Variants in EBF1 observed in about 807,000 individuals in gnomAD.
EBF1 encodes transcription factor COE1.
A neutral mutation model predicts 68.4 loss-of-function variants in EBF1; 10 were observed. The ratio of observed to expected loss-of-function variants is 0.15; its 90% CI spans 0.09 to 0.25. The LOEUF (loss-of-function observed/expected upper bound fraction) is 0.25. Ranked by LOEUF, EBF1 falls within the 10% of genes least tolerant of loss-of-function variation. The pLI is 1.00. For missense variants in EBF1, 509 were observed against 794.4 expected (o/e 0.64, Z 4.32); for synonymous variants, 298 against 299.8 (o/e 0.99, Z 0.06).
intron 6 of EBF1, among the ~76,000 whole-genome samples, chr5:158,875,056 T>TATAC (rs5872576): frequency 1.4e-5 from 2 of 147,410 alleles, no homozygotes; most frequent in Admixed American, 1.4e-4. Flanking sequence ...CACACACACA[T>TATAC]ACACACACAC....
intron 6 of EBF1, among the ~76,000 whole-genome samples, chr5:158,918,998 T>C (rs192049837): frequency 2.6e-5 from 4 of 152,234 alleles, no homozygotes; most frequent in African/African-American, 9.6e-5. Context: ...CCTTCCAATA[T>C]TCCATGGCCT....
intron 6 of EBF1, among the ~76,000 whole-genome samples, chr5:158,852,051 A>G (rs1582569112): frequency 7.2e-5 from 1 of 13,926 alleles, no homozygotes; most frequent in Non-Finnish European, 1.3e-4. Context: ...AGGGGAGGAG[A>G]GGGGAGGAGA....
At chr5:158,926,224 C>T (rs1809662804) in intron 6 of EBF1, among the ~76,000 whole-genome samples, 1 of 152,138 alleles carries the variant, frequency 6.6e-6, no homozygotes, top group Non-Finnish European at 1.5e-5. Context: ...GTATACCAAG[C>T]ACCCTAGCTC....
At chr5:158,849,654 T>G (rs1792226682) in intron 6 of EBF1, among the ~76,000 whole-genome samples, 1 of 152,230 alleles carries the variant, frequency 6.6e-6, no homozygotes, top group African/African-American at 2.4e-5. Context: ...CAGCTGTACA[T>G]GCAAAGCACT....
chr5:159,092,302 G>C (rs1431558799), intron 4 of EBF1, among the ~76,000 whole-genome samples: 2 of 152,164 alleles, frequency 1.3e-5, no homozygotes, highest in Non-Finnish European at 2.9e-5. Context: ...ACTTGGTTTT[G>C]AACAACCCTT....
chr5:159,049,155 C>G (rs1160728533), intron 6 of EBF1, among the ~76,000 whole-genome samples: 1 of 152,114 alleles, frequency 6.6e-6, no homozygotes, highest in East Asian at 1.9e-4. Context: ...GATCCCAGAA[C>G]AGTAAAGGGG....
At chr5:159,032,550 T>C (rs890180941) in intron 6 of EBF1, among the ~76,000 whole-genome samples, 5 of 152,234 alleles carry the variant, frequency 3.3e-5, no homozygotes, top group African/African-American at 1.2e-4. Context: ...TTTCTATACA[T>C]TGTTATTCTT....
intron 11 of EBF1, among the ~76,000 whole-genome samples, chr5:158,725,674 G>A (rs1184784889): frequency 1.3e-5 from 2 of 152,220 alleles, no homozygotes; most frequent in Non-Finnish European, 2.9e-5. Flanking sequence ...GTATGGTAAT[G>A]AGGAGACCAT....
At chr5:159,094,712 G>T (rs924041003) in intron 4 of EBF1, among the ~76,000 whole-genome samples, 14 of 152,116 alleles carry the variant, frequency 9.2e-5, no homozygotes, top group Non-Finnish European at 1.5e-5. Context: ...AGTACACAAT[G>T]GATAACTTTT....
intron 8 of EBF1, among the ~76,000 whole-genome samples, chr5:158,804,568 G>T (rs1281837430): frequency 2.0e-5 from 3 of 152,096 alleles, no homozygotes; most frequent in African/African-American, 7.2e-5. Flanking sequence ...TTAGCAGTAA[G>T]AAATCTTGAC....
At chr5:158,969,871 A>T (rs1379367810) in intron 6 of EBF1, among the ~76,000 whole-genome samples, 12 of 91,400 alleles carry the variant, frequency 1.3e-4, no homozygotes, top group African/African-American at 3.9e-4. Flanking sequence ...AAAGAAAGAA[A>T]GAAAGAAAGA....
At chr5:159,074,841 T>A (rs1389787670) in intron 5 of EBF1, among the ~76,000 whole-genome samples, 1 of 152,218 alleles carries the variant, frequency 6.6e-6, no homozygotes, top group African/African-American at 2.4e-5. Context: ...GGGAACTATT[T>A]CCTCCAGGCC....
At chr5:158,949,077 T>C (rs1489043570) in intron 6 of EBF1, among the ~76,000 whole-genome samples, 1 of 152,250 alleles carries the variant, frequency 6.6e-6, no homozygotes, top group East Asian at 1.9e-4. Flanking sequence ...TTTTTTATAC[T>C]AGACATTTGT....
intron 6 of EBF1, among the ~76,000 whole-genome samples, chr5:158,861,179 A>G (rs2128031047): frequency 6.6e-6 from 1 of 152,280 alleles, no homozygotes; most frequent in South Asian, 2.1e-4. Context: ...ATTATCAAGA[A>G]TCTTACTCAA....
chr5:159,002,034 T>G (rs947550557), intron 6 of EBF1, among the ~76,000 whole-genome samples: 2 of 152,172 alleles, frequency 1.3e-5, no homozygotes, highest in African/African-American at 4.8e-5. Flanking sequence ...AATTTTGTAA[T>G]GGTTGCAGGG....
At chr5:158,828,436 G>T (rs927526829) in intron 7 of EBF1, among the ~76,000 whole-genome samples, 3 of 152,174 alleles carry the variant, frequency 2.0e-5, no homozygotes, top group Admixed American at 6.5e-5. Flanking sequence ...CACAGAGAAG[G>T]TGAGTATGAT....
chr5:159,082,542 A>G (rs1779924023), intron 5 of EBF1, among the ~76,000 whole-genome samples: 1 of 152,214 alleles, frequency 6.6e-6, no homozygotes, highest in Non-Finnish European at 1.5e-5. Flanking sequence ...GCACATCCCA[A>G]CTTCCACTTA....
In EBF1 at chr5:159,095,380, A is replaced by G. The variant is rs145081011; in HGVS notation, c.411+240T>C. Among the ~76,000 whole-genome samples, 1,273 of 152,244 alleles carry G rather than the reference A, an allele frequency of 8.4e-3. 14 individuals are homozygous for G. Among genetic ancestry groups the G allele is most frequent in the African/African-American group, 0.028 (1,164 of 41,552 alleles). On this transcript the variant is annotated intron_variant, in intron 4 of 15. Transcript: ENST00000313708. Reference sequence around the variant, plus strand: ...TTTTTCTCGCCACTCAGCACCCTGCAGTCTTAATTCACAAGGCCCGAGTTC... The same window carrying G: ...TTTTTCTCGCCACTCAGCACCCTGCGGTCTTAATTCACAAGGCCCGAGTTC...
chr5:158,881,998 A>G (rs1798995583), intron 6 of EBF1, among the ~76,000 whole-genome samples: 1 of 152,182 alleles, frequency 6.6e-6, no homozygotes, highest in African/African-American at 2.4e-5. Context: ...ACTGCTTTGT[A>G]TTTGCAAAGA....
Sources: gnomAD v4.1 joint callset for allele counts (sites outside exome capture counted in the v4.1 genomes callset) on GRCh38, gnomAD v4.1.1 for gene constraint, MANE v1.5 for transcripts, NCBI Gene and HGNC (gene_info 2026-07-23, HGNC 2026-07-21) for gene names.